RBM20: variants seen among roughly 807,000 people sequenced by gnomAD.
The protein encoded by RBM20 is RNA-binding protein 20.
A neutral mutation model predicts 110.1 loss-of-function variants in RBM20; 51 were observed. The observed-to-expected ratio is 0.46, with a 90% CI of 0.37 to 0.59. The LOEUF is 0.59. RBM20 is among the 20% of genes least tolerant of loss of function. The pLI, the probability that RBM20 is intolerant of heterozygous loss-of-function variation, is 0.00. For missense variants in RBM20, 1,512 were observed against 1,574.9 expected, an observed-to-expected ratio of 0.96 and a Z score of 0.68; for synonymous variants, 589 against 618.2, an observed-to-expected ratio of 0.95 and a Z score of 0.70.
In RBM20 at chr10:110,781,202, C is replaced by T; in HGVS notation, c.593C>T (p.Pro198Leu). ...CCACCCAGTGCCATGGTGATGCATC[C>T]TTTCACTGGGGTAATGCCTCAGACC... Reference protein sequence around the residue: ...NQPPSAMVMHPFTGVMPQTPG... With the variant: ...NQPPSAMVMHLFTGVMPQTPG... The change falls in exon 2 of 14, where the codon CCT (proline) becomes CTT (leucine). Residue 198 changes from proline (P) to leucine (L), a missense_variant. Pro to Leu is a moderately conservative substitution (Grantham distance 98, BLOSUM62 -3). Around this residue, in one of 3 missense-constraint regions of RBM20, gnomAD observed 1,149 missense variants for 1,169.4 expected, o/e 0.98. Transcript: ENST00000369519. 2 of 1,551,688 alleles carry T rather than the reference C, an allele frequency of 1.3e-6. No homozygotes were observed. Among genetic ancestry groups the T allele is most frequent in the Non-Finnish European group, 1.7e-6 (2 of 1,147,010 alleles).
intron 8 of RBM20, among the ~76,000 whole-genome samples, chr10:110,810,794 CGT>C (rs111830546): frequency 0.021 from 3,151 of 146,990 alleles, 80 homozygotes; most frequent in African/African-American, 0.064. Context: ...AAAAGTAATG[CGT>C]GTGTGTGTGT....
chr10:110,758,014 C>CTTT (rs760246427), intron 1 of RBM20, among the ~76,000 whole-genome samples: 2,573 of 79,770 alleles, frequency 0.032, 536 homozygotes, highest in African/African-American at 0.12. Context: ...GATCCTTGTT[C>CTTT]TTTTTTTTTT....
intron 1 of RBM20, among the ~76,000 whole-genome samples, chr10:110,661,173 C>T (rs576701350): frequency 3.9e-5 from 6 of 152,340 alleles, no homozygotes; most frequent in East Asian, 1.9e-4. Flanking sequence ...TGTTCCCTCT[C>T]TGAGCCCACC....
chr10:110,724,899 G>A (rs1221726325), intron 1 of RBM20, among the ~76,000 whole-genome samples: 2 of 152,130 alleles, frequency 1.3e-5, no homozygotes, highest in African/African-American at 4.8e-5. Flanking sequence ...GACTGCTTGG[G>A]CTCTGACTGC....
intron 1 of RBM20, among the ~76,000 whole-genome samples, chr10:110,774,188 G>A (rs889408899): frequency 6.6e-6 from 1 of 152,196 alleles, no homozygotes; most frequent in African/African-American, 2.4e-5. Context: ...CCATATGGCT[G>A]TTCTGGAGAT....
chr10:110,765,006 A>G (rs1463990589), intron 1 of RBM20, among the ~76,000 whole-genome samples: 1 of 152,176 alleles, frequency 6.6e-6, no homozygotes, highest in African/African-American at 2.4e-5. Context: ...AAAAAAAATT[A>G]ACAAATGATT....
At chr10:110,788,660 A>G (rs1844449144) in intron 5 of RBM20, among the ~76,000 whole-genome samples, 1 of 152,222 alleles carries the variant, frequency 6.6e-6, no homozygotes, top group African/African-American at 2.4e-5. Flanking sequence ...ATGCGAGAAC[A>G]TTGACATTTG....
At chr10:110,801,211 G>A (rs530757950) in intron 7 of RBM20, among the ~76,000 whole-genome samples, 21 of 152,190 alleles carry the variant, frequency 1.4e-4, no homozygotes, top group South Asian at 6.2e-4. Flanking sequence ...GGTGGATCAC[G>A]AGGTCAGGGG....
chr10:110,717,363 C>A (rs912099476), intron 1 of RBM20, among the ~76,000 whole-genome samples: 2 of 152,152 alleles, frequency 1.3e-5, no homozygotes, highest in Non-Finnish European at 2.9e-5. Context: ...TCCCTCCTCT[C>A]CAGAAAAATT....
chr10:110,650,227 CTT>C (rs1861926807), intron 1 of RBM20, among the ~76,000 whole-genome samples: 1 of 152,188 alleles, frequency 6.6e-6, no homozygotes, highest in Non-Finnish European at 1.5e-5. Context: ...ATGATAAACT[CTT>C]TACCGCGGTG....
At chr10:110,741,539 C>T (rs1317732219) in intron 1 of RBM20, among the ~76,000 whole-genome samples, 2 of 152,280 alleles carry the variant, frequency 1.3e-5, no homozygotes, top group South Asian at 2.1e-4. Flanking sequence ...TCCTTTCCCT[C>T]ACCTCTACCC....
At chr10:110,714,123 A>T (rs78895750) in intron 1 of RBM20, among the ~76,000 whole-genome samples, 2,227 of 152,292 alleles carry the variant, frequency 0.015, 54 homozygotes, top group African/African-American at 0.051. Context: ...ACTTTGGGAC[A>T]TGCTAAGCCT....
chr10:110,775,358 T>G (rs1844247816), intron 1 of RBM20, among the ~76,000 whole-genome samples: 1 of 152,250 alleles, frequency 6.6e-6, no homozygotes, highest in Non-Finnish European at 1.5e-5. Context: ...TTATTGCAGA[T>G]GTGGCCGGTG....
chr10:110,722,651 T>C (rs1843522074), intron 1 of RBM20, among the ~76,000 whole-genome samples: 1 of 152,246 alleles, frequency 6.6e-6, no homozygotes, highest in South Asian at 2.1e-4. Flanking sequence ...TCCACCACTC[T>C]CAAACTCAGA....
intron 1 of RBM20, among the ~76,000 whole-genome samples, chr10:110,780,476 G>A (rs533762160): frequency 6.6e-6 from 1 of 152,102 alleles, no homozygotes; most frequent in Non-Finnish European, 1.5e-5. Flanking sequence ...TTGACATTGT[G>A]CCTATTCTAC....
In RBM20 at chr10:110,780,767, C is replaced by T. The variant is rs532331535; in HGVS notation, c.192-34C>T. The T allele has an allele frequency of 8.2e-6, 12 of 1,472,282 alleles. No homozygotes were observed. The African/African-American group carries it at 1.3e-4, about 16-fold the overall frequency. The allele number at this position is 1,472,282 out of a possible 1,614,324, so 91.2% of individuals were successfully genotyped here. On this transcript the variant is annotated intron_variant, in intron 1 of 13. Coordinates refer to ENST00000369519, the MANE Select transcript of RBM20 (RefSeq NM_001134363.3). ...AGCCCCTTGCCCCCCTCATTGAAAA[C>T]CAGCTGTGCATCTAGACCTCTGTCT... is the stretch of plus-strand genomic sequence containing the variant.
chr10:110,823,450 T>C, intron 11 of RBM20, 30 bp from the exon 12 acceptor site: 3 of 1,234,354 alleles, frequency 2.4e-6, no homozygotes, highest in Non-Finnish European at 2.1e-6. Flanking sequence ...TTTTTTTTTT[T>C]TTTTTTTTGC....
rs182311811 is a variant in RBM20, at chr10:110,644,785, G to A, written c.191+140G>A. The A allele has an allele frequency of 2.6e-5, 16 of 615,996 alleles. No individual in the cohort carries two copies. In the East Asian group the frequency reaches 5.0e-4, roughly 19 times the overall value. 38.2% of individuals were successfully genotyped at this position (615,996 alleles called of 1,614,324 possible). The stretch of plus-strand genomic sequence containing the variant: ...TGAAGTTTTCTCGTACCCCCTCTGG[G>A]CAGAGTCGGTGTCCTTCTGGCTGTT... On this transcript the variant is annotated intron_variant, in intron 1 of 13. Coordinates refer to ENST00000369519, the MANE Select transcript of RBM20 (RefSeq NM_001134363.3). The surrounding 1 kb of genome is among the most constrained non-coding windows in gnomAD (Gnocchi z 4.3).
At chr10:110,737,916 C>T (rs1165520733) in intron 1 of RBM20, among the ~76,000 whole-genome samples, 1 of 152,150 alleles carries the variant, frequency 6.6e-6, no homozygotes, top group African/African-American at 2.4e-5. Flanking sequence ...GCCAGGTATA[C>T]ACCTGGGGTG....
Sources: gnomAD v4.1 joint callset for allele counts (sites outside exome capture counted in the v4.1 genomes callset) on GRCh38, gnomAD v4.1.1 for gene constraint, gnomAD v4.1.1 regional missense constraint, Gnocchi (gnomAD v3.1) non-coding constraint, MANE v1.5 for transcripts, NCBI Gene and HGNC (gene_info 2026-07-23, HGNC 2026-07-21) for gene names.